Variants in CEMIP observed in about 807,000 individuals in gnomAD.
CEMIP encodes the protein cell migration-inducing and hyaluronan-binding protein.
Under a neutral mutation model 156.9 loss-of-function variants are expected in CEMIP, and 105 were observed. The ratio of observed to expected loss-of-function variants is 0.67; its 90% CI spans 0.57 to 0.79. The LOEUF is 0.79. Among genes scored for constraint, CEMIP ranks in the 30% least tolerant of loss-of-function variants. The pLI, the probability that CEMIP is intolerant of heterozygous loss-of-function variation, is 0.00. For missense variants in CEMIP, 1,457 were observed against 1,769.4 expected, an observed-to-expected ratio of 0.82 and a Z score of 3.17; for synonymous variants, 676 against 668.4, an observed-to-expected ratio of 1.01 and a Z score of -0.17.
chr15:80,789,874 A>G (rs555398758), intron 1 of CEMIP, among the ~76,000 whole-genome samples: 1 of 152,386 alleles, frequency 6.6e-6, no homozygotes, highest in South Asian at 2.1e-4. Flanking sequence ...ACATACAAAA[A>G]GATGATACTT....
intron 13 of CEMIP, among the ~76,000 whole-genome samples, chr15:80,908,039 C>A (rs1248922069): frequency 6.6e-6 from 1 of 152,176 alleles, no homozygotes; most frequent in Admixed American, 6.5e-5. Flanking sequence ...TTTCTATCAT[C>A]CCTGGCCCCT....
At chr15:80,903,876 G>A (rs915424195) in intron 12 of CEMIP, among the ~76,000 whole-genome samples, 1 of 152,190 alleles carries the variant, frequency 6.6e-6, no homozygotes, top group African/African-American at 2.4e-5. Context: ...GATGAGTCAC[G>A]GATGGAAGGA....
At chr15:80,928,180 A>C (rs112018485) in intron 19 of CEMIP, among the ~76,000 whole-genome samples, 3,255 of 152,222 alleles carry the variant, frequency 0.021, 116 homozygotes, top group African/African-American at 0.074. Context: ...CCCCTGGGAC[A>C]CAGGAAGTGA....
chr15:80,884,478 G>A (rs1169313225), intron 7 of CEMIP, 124 bp downstream of exon 7: 5 of 950,924 alleles, frequency 5.3e-6, no homozygotes, highest in African/African-American at 4.8e-5. Flanking sequence ...CCTAGTGGAT[G>A]CAGGCATTTG....
At chr15:80,884,721 CTTGGGGT>C (rs1898778322) in intron 7 of CEMIP, among the ~76,000 whole-genome samples, 1 of 152,134 alleles carries the variant, frequency 6.6e-6, no homozygotes, top group African/African-American at 2.4e-5. Flanking sequence ...CATGTCATGG[CTTGGGGT>C]TTTTCAGAGA....
chr15:80,910,674 G>A (rs1900016769), intron 14 of CEMIP, among the ~76,000 whole-genome samples: 1 of 152,220 alleles, frequency 6.6e-6, no homozygotes, highest in African/African-American at 2.4e-5. Context: ...CACAGATTGT[G>A]AGCTGTGGGA....
At chr15:80,841,419 T>C (rs1897413604) in intron 1 of CEMIP, among the ~76,000 whole-genome samples, 1 of 152,120 alleles carries the variant, frequency 6.6e-6, no homozygotes, top group African/African-American at 2.4e-5. Context: ...AAGAAGGGCA[T>C]GGGATCATCC....
At chr15:80,853,990 G>A (rs750995749) in intron 1 of CEMIP, among the ~76,000 whole-genome samples, 177 of 152,360 alleles carry the variant, frequency 1.2e-3, no homozygotes, top group Non-Finnish European at 2.1e-3. Flanking sequence ...ACTTCCAAAT[G>A]TAATACCCAG....
intron 1 of CEMIP, among the ~76,000 whole-genome samples, chr15:80,849,669 CAGAG>C (rs151265419): frequency 4.7e-5 from 7 of 150,050 alleles, no homozygotes; most frequent in East Asian, 3.9e-4. Flanking sequence ...GAATGACCAC[CAGAG>C]AGAGAGAGAG....
chr15:80,885,396 C>T (rs4778864), intron 7 of CEMIP, among the ~76,000 whole-genome samples: 17,760 of 152,226 alleles, frequency 0.12, 1,118 homozygotes, highest in Non-Finnish European at 0.13. Flanking sequence ...GGACGGGAAA[C>T]TCAAGCAGGA....
At chr15:80,869,203 C>T (rs1277257083) in intron 1 of CEMIP, among the ~76,000 whole-genome samples, 7 of 152,196 alleles carry the variant, frequency 4.6e-5, no homozygotes, top group Non-Finnish European at 8.8e-5. Flanking sequence ...GATTAGGGCC[C>T]ACCCGTATGA....
At chr15:80,871,456 GA>G (rs1275120113) in intron 1 of CEMIP, among the ~76,000 whole-genome samples, 10 of 152,208 alleles carry the variant, frequency 6.6e-5, no homozygotes, top group Non-Finnish European at 1.3e-4. Context: ...GATATAATTA[GA>G]AGATGTCAGA....
At chr15:80,838,374 A>T (rs1013300653) in intron 1 of CEMIP, among the ~76,000 whole-genome samples, 1 of 151,918 alleles carries the variant, frequency 6.6e-6, no homozygotes, top group Non-Finnish European at 1.5e-5. Flanking sequence ...CCGTTTTCAA[A>T]TGTTTGTTTG....
chr15:80,886,216 C>T (rs761213053), intron 7 of CEMIP, among the ~76,000 whole-genome samples: 28 of 151,650 alleles, frequency 1.8e-4, no homozygotes, highest in Non-Finnish European at 2.8e-4. Context: ...TCAGCAGCTT[C>T]GGAGGCCCAG....
Position 80,787,320 on chromosome 15 carries a change from T to G in CEMIP, c.-176+7706T>G, listed in dbSNP as rs77206751. On this transcript the variant is annotated intron_variant, in intron 1 of 29. Coordinates refer to ENST00000394685, the MANE Select transcript of CEMIP (RefSeq NM_001293298.2). The stretch of plus-strand genomic sequence containing the variant: ...AGAGTTTAGACAATACCTTCACCTC[T>G]GGAAGAACCCTGCTAGGTATGTGAG... Among the ~76,000 whole-genome samples, 240 of 152,352 alleles carry G rather than the reference T, an allele frequency of 1.6e-3. 2 individuals carry two copies. Among genetic ancestry groups the G allele is most frequent in the African/African-American group, 5.6e-3 (233 of 41,580 alleles).
chr15:80,849,048 G>A (rs1398807715), intron 1 of CEMIP, among the ~76,000 whole-genome samples: 2 of 129,162 alleles, frequency 1.5e-5, no homozygotes, highest in African/African-American at 6.1e-5. Context: ...CTGGAGTGCA[G>A]TGGTGCTATC....
rs192621323 is a variant in CEMIP, at chr15:80,812,553, C to G, written c.-176+32939C>G. Among the ~76,000 whole-genome samples the G allele has an allele frequency of 3.9e-5, 6 of 152,270 alleles. No homozygotes were observed. In the East Asian group the frequency reaches 1.2e-3, roughly 29 times the overall value. On this transcript the variant is annotated intron_variant, in intron 1 of 29. Transcript: ENST00000394685. ...GTGGGCCTATTGTGAGGATTTTTGT[C>G]AAGCGTAGTAACACACTCAGGAAAT... is the stretch of plus-strand genomic sequence containing the variant.
intron 1 of CEMIP, among the ~76,000 whole-genome samples, chr15:80,866,214 C>G (rs968373131): frequency 6.6e-6 from 1 of 152,174 alleles, no homozygotes; most frequent in Non-Finnish European, 1.5e-5. Context: ...TCACAGGGAA[C>G]TGTAGCATCT....
intron 1 of CEMIP, among the ~76,000 whole-genome samples, chr15:80,835,795 C>T (rs535287863): frequency 2.0e-5 from 3 of 152,300 alleles, no homozygotes; most frequent in Non-Finnish European, 4.4e-5. Context: ...CTCCCTTCTC[C>T]CACGGTCTGT....
Sources: allele counts gnomAD v4.1 joint callset (sites outside exome capture counted in the v4.1 genomes callset), GRCh38; gene constraint gnomAD v4.1.1; transcripts MANE v1.5; gene names NCBI Gene and HGNC (gene_info 2026-07-23, HGNC 2026-07-21).